The following RERG variants were observed in gnomAD, a reference collection of about 807,000 sequenced individuals.
RERG encodes RAS like estrogen regulated growth inhibitor, also known as ras-related and estrogen-regulated growth inhibitor.
RERG carries 25 observed loss-of-function variants against 23.2 expected under a neutral mutation model. The ratio of observed to expected loss-of-function variants is 1.08; its 90% CI spans 0.79 to 1.50. RERG has a LOEUF of 1.50. Ranked by LOEUF, RERG falls within the 40% of genes most tolerant of loss-of-function variation. RERG has a pLI of 0.00. For synonymous variants in RERG, 81 were observed against 89.1 expected (o/e 0.91, Z 0.51); for missense variants, 253 against 250.1 (o/e 1.01, Z -0.08).
At chr12:15,170,242 G>A (rs1864758580) in intron 2 of RERG, among the ~76,000 whole-genome samples, 1 of 151,936 alleles carries the variant, frequency 6.6e-6, no homozygotes, top group African/African-American at 2.4e-5. Flanking sequence ...TGTTAACTAT[G>A]GACTTGGGTG....
chr12:15,165,541 AG>A (rs1864674577), intron 2 of RERG, among the ~76,000 whole-genome samples: 1 of 152,182 alleles, frequency 6.6e-6, no homozygotes, highest in Non-Finnish European at 1.5e-5. Flanking sequence ...CAAGTTGTTT[AG>A]GTGGTATGGG....
intron 2 of RERG, among the ~76,000 whole-genome samples, chr12:15,164,353 A>G (rs1864656028): frequency 6.6e-6 from 1 of 152,232 alleles, no homozygotes; most frequent in South Asian, 2.1e-4. Flanking sequence ...TGTCCAGCTT[A>G]CCACATGAGC....
intron 2 of RERG, among the ~76,000 whole-genome samples, chr12:15,163,339 G>A (rs563165692): frequency 3.9e-5 from 6 of 152,146 alleles, no homozygotes; most frequent in African/African-American, 9.7e-5. Flanking sequence ...TATTTCAAAC[G>A]TTGCCCTTGT....
intron 2 of RERG, among the ~76,000 whole-genome samples, chr12:15,131,751 T>C (rs191819442): frequency 6.6e-6 from 1 of 152,326 alleles, no homozygotes. Flanking sequence ...TTCTCTAGAC[T>C]GATCTGGTTT....
chr12:15,122,623 C>T (rs762442386), intron 2 of RERG, among the ~76,000 whole-genome samples: 10 of 152,198 alleles, frequency 6.6e-5, no homozygotes, highest in Non-Finnish European at 2.9e-5. Context: ...CTGCAGTCTT[C>T]AGAGTCTGTC....
At chr12:15,117,740 A>G (rs7296511) in intron 3 of RERG, among the ~76,000 whole-genome samples, 100,993 of 151,656 alleles carry the variant, frequency 0.67, 33,741 homozygotes, top group Admixed American at 0.74. Flanking sequence ...GCCTCTATCT[A>G]TATTCTCTGT....
chr12:15,194,460 T>C (rs535238547), intron 2 of RERG, among the ~76,000 whole-genome samples: 277 of 151,624 alleles, frequency 1.8e-3, no homozygotes, highest in African/African-American at 6.6e-3. Context: ...TTAGACTGAA[T>C]GTTTTTAACT....
At chr12:15,202,827 G>C (rs563728545) in intron 2 of RERG, among the ~76,000 whole-genome samples, 1 of 151,826 alleles carries the variant, frequency 6.6e-6, no homozygotes, top group Admixed American at 6.6e-5. Context: ...GAGTGGAATT[G>C]CTGGATCATA....
chr12:15,131,490 T>C (rs1272298960), intron 2 of RERG, among the ~76,000 whole-genome samples: 1 of 152,182 alleles, frequency 6.6e-6, no homozygotes, highest in Non-Finnish European at 1.5e-5. Context: ...ATTTTCAATT[T>C]TTACTTTTTC....
Position 15,148,469 on chromosome 12 carries a change from C to T in RERG, c.62-27350G>A, listed in dbSNP as rs1254561352. On this transcript the variant is annotated intron_variant, in intron 2 of 4. Transcript: ENST00000256953. ...GCCAGTGCTGGTCAGCTACAGTGAG[C>T]CTCCTGTTTCTGAAAGAACACAGAG... Among the ~76,000 whole-genome samples, 3 of 152,270 alleles carry T rather than the reference C, an allele frequency of 2.0e-5. No individual in the cohort carries two copies. In the East Asian group the frequency reaches 5.8e-4, roughly 29 times the overall value.
intron 2 of RERG, among the ~76,000 whole-genome samples, chr12:15,204,410 C>A (rs1242611507): frequency 1.3e-5 from 2 of 151,572 alleles, no homozygotes; most frequent in Non-Finnish European, 3.0e-5. Context: ...TTATACCATA[C>A]ACAAAAATCA....
intron 2 of RERG, among the ~76,000 whole-genome samples, chr12:15,169,930 G>GTGTT (rs1864753922): frequency 7.0e-6 from 1 of 143,014 alleles, no homozygotes; most frequent in Admixed American, 6.9e-5. Context: ...ATGTGTGTGT[G>GTGTT]TGTGTGTGTG....
chr12:15,163,418 T>C (rs559330409), intron 2 of RERG, among the ~76,000 whole-genome samples: 2 of 152,274 alleles, frequency 1.3e-5, no homozygotes, highest in East Asian at 1.9e-4. Context: ...AGATTCGACA[T>C]GAATGTGAAG....
intron 3 of RERG, 141 bp from the exon 4 acceptor site, chr12:15,111,558 G>C (rs1166058308): frequency 3.2e-6 from 2 of 622,242 alleles, no homozygotes; most frequent in Non-Finnish European, 5.5e-6. Flanking sequence ...AAAGAGAGGA[G>C]AGATGTGCAA....
rs570663295 is a variant in RERG at position 15,140,435 on chromosome 12, A to C, written c.62-19316T>G. On this transcript the variant is annotated intron_variant, in intron 2 of 4. Coordinates refer to ENST00000256953, the MANE Select transcript of RERG (RefSeq NM_032918.3). ...TATTATCATTTGAATAACAGTTATAATTAAATCATTTAAAAAATAAGAAAC... is the reference window on the plus strand; with the variant it reads ...TATTATCATTTGAATAACAGTTATACTTAAATCATTTAAAAAATAAGAAAC... 4.6e-5 allele frequency among the ~76,000 whole-genome samples: 7 copies of C among 152,344 alleles called. 1 individual carries two copies. The highest frequency in any genetic ancestry group is 1.7e-4 in the African/African-American group (7 of 41,572).
chr12:15,117,607 G>C (rs1461200631), intron 3 of RERG, among the ~76,000 whole-genome samples: 2 of 151,986 alleles, frequency 1.3e-5, no homozygotes, highest in Non-Finnish European at 2.9e-5. Flanking sequence ...CAAGGTAACA[G>C]TCGCAGTAGT....
intron 4 of RERG, chr12:15,111,073 G>A (rs1863604534): frequency 3.7e-6 from 1 of 272,940 alleles, no homozygotes; most frequent in African/African-American, 2.2e-5. Flanking sequence ...ATCTTGCTAT[G>A]CCACAAAATA....
chr12:15,148,853 T>G (rs1391692775), intron 2 of RERG, among the ~76,000 whole-genome samples: 2 of 62,518 alleles, frequency 3.2e-5, no homozygotes, highest in East Asian at 3.8e-4. Context: ...CTCTGTTTTT[T>G]TTTTTTTTTT....
chr12:15,190,581 AAG>A (rs1243622542), intron 2 of RERG, among the ~76,000 whole-genome samples: 1 of 152,140 alleles, frequency 6.6e-6, no homozygotes, highest in Non-Finnish European at 1.5e-5. Flanking sequence ...GATAGAGCCA[AAG>A]AGAGTTTTCA....
Sources: allele counts gnomAD v4.1 joint callset (sites outside exome capture counted in the v4.1 genomes callset), GRCh38; gene constraint gnomAD v4.1.1; transcripts MANE v1.5; gene names NCBI Gene and HGNC (gene_info 2026-07-23, HGNC 2026-07-21).